Variants in NXPH1 observed in about 807,000 individuals in gnomAD.
The protein encoded by NXPH1 is neurexophilin-1.
Under a neutral mutation model 23.7 loss-of-function variants are expected in NXPH1, and 5 were observed. The ratio of observed to expected loss-of-function variants is 0.21; its 90% CI spans 0.11 to 0.44. The LOEUF (loss-of-function observed/expected upper bound fraction) is 0.44. Ranked by LOEUF, NXPH1 falls within the 20% of genes least tolerant of loss-of-function variation. The probability of loss-of-function intolerance (pLI) is 0.99; values close to 1 mark genes in which losing one functional copy is unlikely to be tolerated. For synonymous variants in NXPH1, 144 were observed against 122.2 expected, an observed-to-expected ratio of 1.18 and a Z score of -1.18; for missense variants, 324 against 321.6, an observed-to-expected ratio of 1.01 and a Z score of -0.06.
At chr7:8,580,056 G>C (rs558566519) in intron 2 of NXPH1, among the ~76,000 whole-genome samples, 94 of 152,328 alleles carry the variant, frequency 6.2e-4, no homozygotes, top group African/African-American at 2.0e-3. Context: ...GAACTAAAAA[G>C]CATAAAATGG....
At chr7:8,554,179 A>T in intron 2 of NXPH1, among the ~76,000 whole-genome samples, 1 of 151,648 alleles carries the variant, frequency 6.6e-6, no homozygotes, top group East Asian at 2.0e-4. Flanking sequence ...AAGCAAAAAA[A>T]ATAAGACTAT....
intron 2 of NXPH1, among the ~76,000 whole-genome samples, chr7:8,441,327 C>T (rs968609929): frequency 6.6e-6 from 1 of 152,072 alleles, no homozygotes; most frequent in African/African-American, 2.4e-5. Flanking sequence ...CTTGATTTAT[C>T]CACTAGTCAA....
intron 2 of NXPH1, among the ~76,000 whole-genome samples, chr7:8,651,855 C>A (rs1820496127): frequency 6.6e-6 from 1 of 152,130 alleles, no homozygotes. Context: ...TAATTCATGG[C>A]TAAAATAATT....
At chr7:8,481,068 T>C (rs1817065031) in intron 2 of NXPH1, among the ~76,000 whole-genome samples, 2 of 152,306 alleles carry the variant, frequency 1.3e-5, no homozygotes, top group South Asian at 4.1e-4. Flanking sequence ...GTTCAATGTC[T>C]GATGAACCAC....
intron 2 of NXPH1, among the ~76,000 whole-genome samples, chr7:8,565,027 G>T (rs1818514538): frequency 6.6e-6 from 1 of 151,784 alleles, no homozygotes; most frequent in South Asian, 2.1e-4. Flanking sequence ...GGTAGCAGTA[G>T]TAATAAAATA....
At chr7:8,705,906 C>T (rs1313827740) in intron 2 of NXPH1, among the ~76,000 whole-genome samples, 1 of 152,144 alleles carries the variant, frequency 6.6e-6, no homozygotes, top group African/African-American at 2.4e-5. Flanking sequence ...AACCACATTT[C>T]TTTGTTGCTC....
At chr7:8,703,731 T>C (rs1779662269) in intron 2 of NXPH1, among the ~76,000 whole-genome samples, 1 of 152,168 alleles carries the variant, frequency 6.6e-6, no homozygotes, top group African/African-American at 2.4e-5. Context: ...TAAACCCTTG[T>C]TTCAAATCAC....
At chr7:8,526,467 T>C (rs1403791222) in intron 2 of NXPH1, among the ~76,000 whole-genome samples, 1 of 152,108 alleles carries the variant, frequency 6.6e-6, no homozygotes, top group Non-Finnish European at 1.5e-5. Context: ...CATGATTGGT[T>C]TTGAAATGTG....
chr7:8,680,107 C>T (rs114063082), intron 2 of NXPH1, among the ~76,000 whole-genome samples: 51 of 152,354 alleles, frequency 3.3e-4, no homozygotes, highest in African/African-American at 1.1e-3. Flanking sequence ...TCATCAACAG[C>T]ATAAAGCTTT....
chr7:8,694,528 A>G (rs991227037), intron 2 of NXPH1, among the ~76,000 whole-genome samples: 3 of 152,224 alleles, frequency 2.0e-5, no homozygotes, highest in African/African-American at 7.2e-5. Context: ...TCAGATTGGA[A>G]AACTATGAAA....
intron 2 of NXPH1, among the ~76,000 whole-genome samples, chr7:8,633,110 A>G (rs1820159558): frequency 6.6e-6 from 1 of 152,184 alleles, no homozygotes; most frequent in African/African-American, 2.4e-5. Flanking sequence ...TTAATAATGA[A>G]GTTAATACAA....
chr7:8,524,521 C>G (rs998095552), intron 2 of NXPH1, among the ~76,000 whole-genome samples: 4 of 152,132 alleles, frequency 2.6e-5, no homozygotes, highest in Admixed American at 2.0e-4. Flanking sequence ...GATTGTTCCT[C>G]TCTCCTTTGC....
intron 2 of NXPH1, among the ~76,000 whole-genome samples, chr7:8,649,719 G>T (rs565908756): frequency 6.2e-4 from 95 of 152,210 alleles, no homozygotes; most frequent in Middle Eastern, 3.4e-3. Context: ...AATAGCCACA[G>T]CCTTAAATTA....
chr7:8,474,973 T>A (rs1043222801), intron 2 of NXPH1, among the ~76,000 whole-genome samples: 1 of 152,026 alleles, frequency 6.6e-6, no homozygotes, highest in African/African-American at 2.4e-5. Context: ...CAGTCCCAGG[T>A]CTGAGAGCAG....
chr7:8,611,648 A>C (rs192960727), intron 2 of NXPH1, among the ~76,000 whole-genome samples: 11 of 152,220 alleles, frequency 7.2e-5, no homozygotes, highest in African/African-American at 2.6e-4. Context: ...TGTACAGTTA[A>C]ACCTTGTGGC....
chr7:8,695,496 C>T (rs934463236), intron 2 of NXPH1, among the ~76,000 whole-genome samples: 10 of 152,196 alleles, frequency 6.6e-5, no homozygotes, highest in African/African-American at 1.9e-4. Context: ...GTTTGCTAAA[C>T]ACCTCTTTAT....
rs17404530 is a variant in NXPH1 at position 8,490,795 on chromosome 7, C to T, written c.54+55028C>T. Among the ~76,000 whole-genome samples the T allele has an allele frequency of 7.4e-3, 1,119 of 152,120 alleles. 9 individuals are homozygous for T. Among genetic ancestry groups the T allele is most frequent in the Non-Finnish European group, 0.012 (815 of 67,976 alleles). On this transcript the variant is annotated intron_variant, in intron 2 of 2. Coordinates refer to ENST00000405863, the MANE Select transcript of NXPH1 (RefSeq NM_152745.3). ...TGATTCTAAAGCTTGATATCCCAAGCGATATAATTTAATCACAACAGCCCC... is the reference window on the plus strand; with the variant it reads ...TGATTCTAAAGCTTGATATCCCAAGTGATATAATTTAATCACAACAGCCCC...
At chr7:8,580,708 T>G (rs894159702) in intron 2 of NXPH1, among the ~76,000 whole-genome samples, 2 of 151,390 alleles carry the variant, frequency 1.3e-5, no homozygotes, top group Non-Finnish European at 2.9e-5. Context: ...TCTGCGGCAT[T>G]CATGCAGGCT....
At chr7:8,469,514 A>G (rs920916299) in intron 2 of NXPH1, among the ~76,000 whole-genome samples, 4 of 152,008 alleles carry the variant, frequency 2.6e-5, no homozygotes, top group South Asian at 2.1e-4. Flanking sequence ...GTCCTGAACA[A>G]TCGTTCCCTC....
Sources: gnomAD v4.1 joint callset for allele counts (sites outside exome capture counted in the v4.1 genomes callset) on GRCh38, gnomAD v4.1.1 for gene constraint, MANE v1.5 for transcripts, NCBI Gene and HGNC (gene_info 2026-07-23, HGNC 2026-07-21) for gene names.